TMEFF1: variants seen among roughly 807,000 people sequenced by gnomAD.
TMEFF1 encodes the protein tomoregulin-1.
A neutral mutation model predicts 47.5 loss-of-function variants in TMEFF1; 20 were observed. The observed-to-expected ratio is 0.42, with a 90% CI of 0.30 to 0.61. The LOEUF (loss-of-function observed/expected upper bound fraction) is 0.61. Among genes scored for constraint, TMEFF1 ranks in the 20% least tolerant of loss-of-function variants. The pLI, the probability that TMEFF1 is intolerant of heterozygous loss-of-function variation, is 0.19. For synonymous variants in TMEFF1, 162 were observed against 166.3 expected, an observed-to-expected ratio of 0.97 and a Z score of 0.20; for missense variants, 411 against 471.1, an observed-to-expected ratio of 0.87 and a Z score of 1.18.
chr9:100,549,480 A>G (rs543998632), intron 6 of TMEFF1, among the ~76,000 whole-genome samples: 5 of 152,218 alleles, frequency 3.3e-5, no homozygotes, highest in Non-Finnish European at 7.3e-5. Flanking sequence ...ATTGAAATGC[A>G]TCCTTTAGAG....
chr9:100,475,938 T>TG, intron 1 of TMEFF1, among the ~76,000 whole-genome samples: 1 of 152,018 alleles, frequency 6.6e-6, no homozygotes, highest in Non-Finnish European at 1.5e-5. Flanking sequence ...ACATGCAGTG[T>TG]GGGAAAAAGG....
intron 5 of TMEFF1, among the ~76,000 whole-genome samples, chr9:100,526,955 CAAAAAAAAAAAA>C (rs55736750): frequency 2.4e-3 from 92 of 38,976 alleles, no homozygotes; most frequent in Non-Finnish European, 3.5e-3. Context: ...GCTAAAAATA[CAAAAAAAAAAAA>C]AAAAAAAAAA....
intron 7 of TMEFF1, among the ~76,000 whole-genome samples, chr9:100,559,295 A>G (rs183417436): frequency 5.3e-5 from 8 of 152,230 alleles, no homozygotes; most frequent in Non-Finnish European, 1.0e-4. Context: ...GCTGGAAGAG[A>G]CCTTATAAGC....
chr9:100,505,149 C>T (rs1468940061), intron 2 of TMEFF1, among the ~76,000 whole-genome samples: 2 of 152,012 alleles, frequency 1.3e-5, no homozygotes, highest in South Asian at 4.1e-4. Context: ...CGCGGTGGCT[C>T]ATGCCTGTAA....
chr9:100,506,005 G>A (rs868347490), intron 2 of TMEFF1, among the ~76,000 whole-genome samples: 5 of 152,216 alleles, frequency 3.3e-5, no homozygotes, highest in South Asian at 2.1e-4. Flanking sequence ...AAAACTGGAG[G>A]AATATATATA....
At chr9:100,536,840 C>G (rs1564021691) in intron 5 of TMEFF1, among the ~76,000 whole-genome samples, 1 of 152,120 alleles carries the variant, frequency 6.6e-6, no homozygotes, top group South Asian at 2.1e-4. Flanking sequence ...TGGTTAACAA[C>G]TTTTCTTAAA....
chr9:100,525,422 T>C (rs1444666152), intron 5 of TMEFF1, among the ~76,000 whole-genome samples: 1 of 152,112 alleles, frequency 6.6e-6, no homozygotes, highest in Admixed American at 6.6e-5. Context: ...ACTATACTTA[T>C]TATTTGTAAA....
intron 3 of TMEFF1, 94 bp downstream of exon 3, chr9:100,509,228 C>G: frequency 7.4e-7 from 1 of 1,360,472 alleles, no homozygotes; most frequent in Non-Finnish European, 9.5e-7. Flanking sequence ...TCCACAACTG[C>G]TGTGTGGATT....
At chr9:100,533,365 A>AT (rs1838437056) in intron 5 of TMEFF1, among the ~76,000 whole-genome samples, 1 of 152,120 alleles carries the variant, frequency 6.6e-6, no homozygotes. Context: ...ACTTGATAGA[A>AT]TTTTTAAAAA....
intron 2 of TMEFF1, among the ~76,000 whole-genome samples, chr9:100,502,193 C>G (rs1004898630): frequency 1.3e-5 from 2 of 151,970 alleles, no homozygotes; most frequent in Admixed American, 1.3e-4. Flanking sequence ...ACAATAGATT[C>G]CAAAGAACTC....
At chr9:100,530,474 T>C (rs1412933370) in intron 5 of TMEFF1, among the ~76,000 whole-genome samples, 2 of 152,090 alleles carry the variant, frequency 1.3e-5, no homozygotes, top group African/African-American at 2.4e-5. Context: ...GCAAATAAAC[T>C]AGAAAATCTA....
intron 5 of TMEFF1, among the ~76,000 whole-genome samples, chr9:100,519,998 A>G (rs1838136355): frequency 1.3e-5 from 2 of 152,152 alleles, no homozygotes; most frequent in Admixed American, 6.6e-5. Flanking sequence ...AATATTTTCT[A>G]TCCTACTTTC....
chr9:100,513,232 T>C, intron 3 of TMEFF1, 75 bp from the exon 4 acceptor site: 4 of 1,565,240 alleles, frequency 2.6e-6, no homozygotes, highest in Non-Finnish European at 3.4e-6. Context: ...TTATTTTTGA[T>C]AGGAAATTTT....
At chr9:100,517,757 C>G (rs1446418622) in intron 5 of TMEFF1, among the ~76,000 whole-genome samples, 1 of 152,134 alleles carries the variant, frequency 6.6e-6, no homozygotes, top group Non-Finnish European at 1.5e-5. Context: ...TCATTTCATT[C>G]AGAGTGGTTT....
Position 100,473,819 on chromosome 9 carries a change from G to T in TMEFF1, c.196+79G>T. The T allele has an allele frequency of 7.2e-7, 1 of 1,379,722 alleles. No homozygotes were observed. Among genetic ancestry groups the T allele is most frequent in the East Asian group, 2.9e-5 (1 of 34,170 alleles). 85.5% of individuals were successfully genotyped at this position (1,379,722 alleles called of 1,614,324 possible). On this transcript the variant is annotated intron_variant, in intron 1 of 9. Transcript: ENST00000374879. This position sits in a 1 kb window ranked among gnomAD's most constrained non-coding sequence, Gnocchi z 5.4. ...CCTCGTGGTCCCTGCGGTCGGCCGG[G>T]CTGGGAAAGACCCCGTCGTGGGGGT...
At chr9:100,505,872 T>C (rs1837851291) in intron 2 of TMEFF1, among the ~76,000 whole-genome samples, 1 of 152,228 alleles carries the variant, frequency 6.6e-6, no homozygotes, top group Non-Finnish European at 1.5e-5. Flanking sequence ...ATCTTGGAGC[T>C]CATAGTAGTT....
At chr9:100,495,716 A>G (rs1484600213) in intron 1 of TMEFF1, among the ~76,000 whole-genome samples, 1 of 152,130 alleles carries the variant, frequency 6.6e-6, no homozygotes, top group African/African-American at 2.4e-5. Flanking sequence ...AATATGACTA[A>G]TAACCAGAGT....
At position 100,473,474 on chromosome 9, in the gene TMEFF1, G is replaced by T; in HGVS notation, c.-71G>T. On this transcript the variant is annotated 5_prime_UTR_variant, in exon 1 of 10. Transcript: ENST00000374879. This position sits in a 1 kb window ranked among gnomAD's most constrained non-coding sequence, Gnocchi z 5.4. ...TAGGAGGCACCGAGGCAGCGGCGGG[G>T]CTCTGGGCGCGCGGCTGGATGCCCC... 8.2e-7 allele frequency: 1 copy of T among 1,222,568 alleles called. No individual in the cohort carries two copies. Among genetic ancestry groups the T allele is most frequent in the Non-Finnish European group, 1.0e-6 (1 of 967,782 alleles). 75.7% of individuals were successfully genotyped at this position (1,222,568 alleles called of 1,614,324 possible).
At chr9:100,574,251 T>C (rs1216029488) in intron 9 of TMEFF1, among the ~76,000 whole-genome samples, 1 of 152,178 alleles carries the variant, frequency 6.6e-6, no homozygotes, top group Admixed American at 6.5e-5. Flanking sequence ...GAAAAATTCA[T>C]TGGAGTAGTG....
Sources: allele counts gnomAD v4.1 joint callset (sites outside exome capture counted in the v4.1 genomes callset), GRCh38; gene constraint gnomAD v4.1.1; non-coding constraint Gnocchi (gnomAD v3.1); transcripts MANE v1.5; gene names NCBI Gene and HGNC (gene_info 2026-07-23, HGNC 2026-07-21).